The following TRPV3 variants were observed in gnomAD, a reference collection of about 807,000 sequenced individuals.
TRPV3 encodes the protein VRL-3.
In TRPV3, 88 loss-of-function variants were observed where a neutral mutation model predicts 87.1. The observed-to-expected ratio is 1.01, with a 90% CI of 0.85 to 1.21. The LOEUF is 1.21. Ranked by LOEUF, TRPV3 falls within the 50% of genes most tolerant of loss-of-function variation. The pLI is 0.00. For synonymous variants in TRPV3, 438 were observed against 423.3 expected (o/e 1.03, Z -0.43); for missense variants, 1,054 against 1,030.1 (o/e 1.02, Z -0.32).
intron 7 of TRPV3, 44 bp downstream of exon 7, chr17:3,535,522 TCTCCCTC>T (rs748950496): frequency 1.5e-5 from 22 of 1,420,432 alleles, no homozygotes; most frequent in Non-Finnish European, 2.0e-5. Context: ...TCCTCTCCCG[TCTCCCTC>T]CTCCCTCCTC....
intron 1 of TRPV3, among the ~76,000 whole-genome samples, chr17:3,555,173 T>C (rs2150810313): frequency 6.7e-6 from 1 of 149,578 alleles, no homozygotes; most frequent in East Asian, 2.0e-4. Flanking sequence ...ACCCCTGAAC[T>C]AGTGGAGAGT....
chr17:3,520,360 G>A (rs143036087), intron 14 of TRPV3, among the ~76,000 whole-genome samples: 43 of 152,294 alleles, frequency 2.8e-4, no homozygotes, highest in Non-Finnish European at 5.0e-4. Context: ...TGAGAGTAAC[G>A]TGATGTGAAA....
chr17:3,545,129 G>A (rs894120140), intron 3 of TRPV3, 38 bp downstream of exon 3: 1 of 1,503,440 alleles, frequency 6.7e-7, no homozygotes, highest in South Asian at 1.2e-5. Flanking sequence ...CTGAGGGCTG[G>A]GCCCAGGGCA....
chr17:3,554,632 C>G (rs959314784), intron 2 of TRPV3, 100 bp downstream of exon 2: 7 of 823,932 alleles, frequency 8.5e-6, no homozygotes, highest in Non-Finnish European at 1.4e-5. Context: ...GACTGAGAGT[C>G]TCAGGTCTCC....
intron 13 of TRPV3, among the ~76,000 whole-genome samples, chr17:3,522,760 T>G (rs915360145): frequency 9.5e-5 from 14 of 146,734 alleles, no homozygotes; most frequent in Non-Finnish European, 1.5e-4. Context: ...GAGGTTGCAG[T>G]GAGCCGAGAT....
chr17:3,546,907 G>A (rs1286526718), intron 2 of TRPV3: 1 of 277,710 alleles, frequency 3.6e-6, no homozygotes, highest in Non-Finnish European at 7.3e-6. Flanking sequence ...GGCAGAGGTT[G>A]CGGTGAGTCA....
intron 6 of TRPV3, 110 bp from the exon 7 acceptor site, chr17:3,535,823 C>T (rs756057201): frequency 3.2e-6 from 4 of 1,256,686 alleles, no homozygotes; most frequent in Non-Finnish European, 4.1e-6. Context: ...GATCAGAACC[C>T]TGGTCTGTGT....
intron 6 of TRPV3, among the ~76,000 whole-genome samples, chr17:3,539,877 T>G (rs2074442995): frequency 6.6e-6 from 1 of 152,054 alleles, no homozygotes; most frequent in Non-Finnish European, 1.5e-5. Context: ...TTGGTTCCTC[T>G]TAGCAGCATA....
chr17:3,510,866 T>C lies in TRPV3; in HGVS notation c.*3051A>G, dbSNP rs2271158. 52,713 of 152,278 alleles carry C rather than the reference T, an allele frequency of 0.35. 10,800 individuals carry two copies. The highest frequency in any genetic ancestry group is 0.64 in the East Asian group (3,315 of 5,176). 9.4% of individuals were successfully genotyped at this position (152,278 alleles called of 1,614,324 possible). A position where few individuals can be genotyped will look rare whatever the true frequency, so the allele number is the denominator to read the frequency against. Reference sequence around the variant, plus strand: ...TCAATAATAAAGGGCTCTCTCAGGCTGGAGCCTTCTAAGAGCCTGAAGACT... The same window carrying C: ...TCAATAATAAAGGGCTCTCTCAGGCCGGAGCCTTCTAAGAGCCTGAAGACT... On this transcript the variant is annotated 3_prime_UTR_variant, in exon 18 of 18. Transcript: ENST00000576742.
chr17:3,522,007 A>C (rs2074250949), intron 13 of TRPV3, among the ~76,000 whole-genome samples: 1 of 152,074 alleles, frequency 6.6e-6, no homozygotes, highest in South Asian at 2.1e-4. Flanking sequence ...ACCCAGGAGG[A>C]AGGGGTTGCA....
At chr17:3,544,778 CTT>C in intron 3 of TRPV3, 113 bp from the exon 4 acceptor site, 1 of 734,688 alleles carries the variant, frequency 1.4e-6, no homozygotes, top group Non-Finnish European at 2.3e-6. Flanking sequence ...AGGTGGATCA[CTT>C]GAGGTCAGGA....
intron 13 of TRPV3, 79 bp downstream of exon 13, chr17:3,524,119 C>G: frequency 6.4e-7 from 1 of 1,559,278 alleles, no homozygotes; most frequent in Non-Finnish European, 8.7e-7. Flanking sequence ...AACCCCTCTT[C>G]CTCTCCAGAT....
At chr17:3,543,949 C>T (rs999187217) in intron 4 of TRPV3, among the ~76,000 whole-genome samples, 3 of 152,056 alleles carry the variant, frequency 2.0e-5, no homozygotes, top group African/African-American at 7.2e-5. Flanking sequence ...TCTATCCTTC[C>T]CTGTCCTCCC....
At chr17:3,517,373 T>C (rs1305419827) in intron 15 of TRPV3, among the ~76,000 whole-genome samples, 1 of 151,806 alleles carries the variant, frequency 6.6e-6, no homozygotes, top group Non-Finnish European at 1.5e-5. Flanking sequence ...ATCCCAGCAC[T>C]TTGGGAGGCT....
intron 5 of TRPV3, 36 bp downstream of exon 5, chr17:3,543,438 C>T: frequency 1.9e-6 from 3 of 1,607,462 alleles, no homozygotes; most frequent in Non-Finnish European, 2.5e-6. Context: ...AGCAGGGCCC[C>T]CAGCCCTGCA....
chr17:3,533,031 G>T, intron 7 of TRPV3, 94 bp from the exon 8 acceptor site: 1 of 1,443,088 alleles, frequency 6.9e-7, no homozygotes, highest in Non-Finnish European at 9.4e-7. Context: ...TATCTCAGCA[G>T]GATGGGCACC....
At position 3,530,290 on chromosome 17, in the gene TRPV3, A is replaced by C. The variant is rs2074337861; in HGVS notation, c.1066-87T>G. On this transcript the variant is annotated intron_variant, in intron 8 of 17. Coordinates refer to ENST00000576742, the MANE Select transcript of TRPV3 (RefSeq NM_145068.4). This position sits in a 1 kb window ranked among gnomAD's most constrained non-coding sequence, Gnocchi z 4.0. ...GACCAGCCAGAGGCTGGCTGGGCCC[A>C]GGGGATACACCCGCCCAGAATGGGT... 2.2e-6 allele frequency: 3 copies of C among 1,394,226 alleles called. No homozygotes were observed. Among genetic ancestry groups the C allele is most frequent in the Admixed American group, 2.3e-5 (1 of 43,918 alleles). The allele number at this position is 1,394,226 out of a possible 1,614,324, so 86.4% of individuals were successfully genotyped here.
chr17:3,517,124 G>A (rs568330115), intron 15 of TRPV3, among the ~76,000 whole-genome samples: 2 of 151,830 alleles, frequency 1.3e-5, no homozygotes, highest in South Asian at 2.1e-4. Flanking sequence ...CAGCCTGGGT[G>A]ACAGAGCGAA....
chr17:3,548,677 T>G (rs1206767812), intron 2 of TRPV3, among the ~76,000 whole-genome samples: 1 of 152,204 alleles, frequency 6.6e-6, no homozygotes, highest in Non-Finnish European at 1.5e-5. Context: ...CCTGACAGTC[T>G]CCTGCCCACC....
Sources: allele counts gnomAD v4.1 joint callset (sites outside exome capture counted in the v4.1 genomes callset), GRCh38; gene constraint gnomAD v4.1.1; non-coding constraint Gnocchi (gnomAD v3.1); transcripts MANE v1.5; gene names NCBI Gene and HGNC (gene_info 2026-07-23, HGNC 2026-07-21).